MC2R: variants seen among roughly 807,000 people sequenced by gnomAD.
MC2R encodes melanocortin 2 receptor, also known as adrenocorticotropic hormone receptor.
MC2R carries 9 observed loss-of-function variants against 9.8 expected under a neutral mutation model. That is an observed-to-expected ratio of 0.92 (90% CI 0.55 to 1.60). The LOEUF (loss-of-function observed/expected upper bound fraction) is 1.60. MC2R is among the 40% of genes most tolerant of loss of function. MC2R has a pLI of 0.00. For missense variants in MC2R, 370 were observed against 389.0 expected (o/e 0.95, Z 0.41); for synonymous variants, 185 against 154.7 (o/e 1.20, Z -1.45).
At chr18:13,895,552 A>C (rs2045341067) in intron 1 of MC2R, among the ~76,000 whole-genome samples, 1 of 152,204 alleles carries the variant, frequency 6.6e-6, no homozygotes, top group Non-Finnish European at 1.5e-5. Flanking sequence ...GGGGCAGGCA[A>C]GGACCCTCTG....
In MC2R at chr18:13,889,767, G is replaced by A. The variant is rs532642347; in HGVS notation, c.-128-4121C>T. 2.0e-5 allele frequency among the ~76,000 whole-genome samples: 3 copies of A among 152,248 alleles called. No homozygotes were observed. In the South Asian group the frequency reaches 6.2e-4, roughly 32 times the overall value. Reference sequence around the variant, plus strand: ...AGGCTCTATTATGTGTTAAATTCTTGTTATGTGCCAGCTGGTCTTGTGTCC... The same window carrying A: ...AGGCTCTATTATGTGTTAAATTCTTATTATGTGCCAGCTGGTCTTGTGTCC... On this transcript the variant is annotated intron_variant, in intron 1 of 1. Coordinates refer to ENST00000327606, the MANE Select transcript of MC2R (RefSeq NM_000529.2).
chr18:13,899,284 T>C (rs77469041), intron 1 of MC2R, among the ~76,000 whole-genome samples: 25 of 151,994 alleles, frequency 1.6e-4, no homozygotes, highest in African/African-American at 6.0e-4. Flanking sequence ...TTAATGAGCA[T>C]GAATACAGCC....
chr18:13,893,984 A>T (rs994375032), intron 1 of MC2R, among the ~76,000 whole-genome samples: 2 of 152,200 alleles, frequency 1.3e-5, no homozygotes, highest in Non-Finnish European at 2.9e-5. Context: ...CTTCATGAGG[A>T]GGCACTGGCT....
chr18:13,914,081 G>A (rs771257630), intron 1 of MC2R, among the ~76,000 whole-genome samples: 2 of 148,654 alleles, frequency 1.3e-5, no homozygotes, highest in Non-Finnish European at 3.0e-5. Context: ...TTTTTAAGAT[G>A]TCTTAAGTTG....
chr18:13,890,121 C>T (rs1352647824), intron 1 of MC2R, among the ~76,000 whole-genome samples: 1 of 152,180 alleles, frequency 6.6e-6, no homozygotes, highest in South Asian at 2.1e-4. Context: ...TTAAATCTTT[C>T]TGTTCTCTAA....
At chr18:13,900,818 CT>C (rs1243646957) in intron 1 of MC2R, among the ~76,000 whole-genome samples, 7 of 152,158 alleles carry the variant, frequency 4.6e-5, no homozygotes, top group African/African-American at 1.7e-4. Flanking sequence ...CAACACACCA[CT>C]TTCAGCACTG....
chr18:13,899,960 A>C (rs1598465482), intron 1 of MC2R, among the ~76,000 whole-genome samples: 1 of 152,262 alleles, frequency 6.6e-6, no homozygotes, highest in South Asian at 2.1e-4. Context: ...AAAGCACAGA[A>C]TATCATAACA....
intron 1 of MC2R, among the ~76,000 whole-genome samples, chr18:13,905,831 G>A (rs749585600): frequency 3.6e-4 from 55 of 152,146 alleles, no homozygotes; most frequent in Non-Finnish European, 6.6e-4. Context: ...GCCGAGGTGG[G>A]TGGATCACGA....
At chr18:13,899,692 G>A (rs1199616227) in intron 1 of MC2R, among the ~76,000 whole-genome samples, 1 of 152,162 alleles carries the variant, frequency 6.6e-6, no homozygotes, top group Non-Finnish European at 1.5e-5. Context: ...GGCCAGGAGA[G>A]AGTGGCATGG....
intron 1 of MC2R, among the ~76,000 whole-genome samples, chr18:13,888,331 G>A (rs915321303): frequency 1.3e-4 from 20 of 152,206 alleles, no homozygotes; most frequent in African/African-American, 4.8e-4. Flanking sequence ...ATGCTGCCAA[G>A]CTGGTGGTGG....
intron 1 of MC2R, among the ~76,000 whole-genome samples, chr18:13,887,866 G>C (rs1487238136): frequency 6.6e-6 from 1 of 152,052 alleles, no homozygotes; most frequent in Non-Finnish European, 1.5e-5. Context: ...TGTAGAGCTT[G>C]GGACTGCGCA....
At chr18:13,893,782 G>T (rs1238885092) in intron 1 of MC2R, among the ~76,000 whole-genome samples, 1 of 152,198 alleles carries the variant, frequency 6.6e-6, no homozygotes, top group Admixed American at 6.5e-5. Context: ...ATAGTACAAT[G>T]CAGAGGGTGA....
At chr18:13,911,217 C>G (rs1020958483) in intron 1 of MC2R, among the ~76,000 whole-genome samples, 4 of 152,138 alleles carry the variant, frequency 2.6e-5, no homozygotes, top group African/African-American at 9.7e-5. Flanking sequence ...CAGCCGAGAG[C>G]AGGGGCCGGA....
chr18:13,914,964 G>T (rs1036049432), intron 1 of MC2R, among the ~76,000 whole-genome samples: 6 of 152,222 alleles, frequency 3.9e-5, no homozygotes, highest in Non-Finnish European at 7.3e-5. Flanking sequence ...GTTGAGAAAG[G>T]CACAGAAAGT....
intron 1 of MC2R, among the ~76,000 whole-genome samples, chr18:13,889,275 C>T (rs1178424119): frequency 6.6e-6 from 1 of 152,194 alleles, no homozygotes; most frequent in African/African-American, 2.4e-5. Context: ...CTTGAGCTTG[C>T]AGTAAACAAG....
chr18:13,905,101 A>G (rs992205068), intron 1 of MC2R, among the ~76,000 whole-genome samples: 2 of 152,196 alleles, frequency 1.3e-5, no homozygotes, highest in African/African-American at 4.8e-5. Context: ...TGAACAGGCA[A>G]CCTACAGAAT....
chr18:13,890,461 G>A (rs552010697), intron 1 of MC2R, among the ~76,000 whole-genome samples: 1 of 152,230 alleles, frequency 6.6e-6, no homozygotes, highest in African/African-American at 2.4e-5. Context: ...CCAGGCTTTA[G>A]AGAGAGCCAG....
chr18:13,898,003 A>G (rs564984036), intron 1 of MC2R, among the ~76,000 whole-genome samples: 30 of 152,020 alleles, frequency 2.0e-4, no homozygotes, highest in Non-Finnish European at 4.1e-4. Flanking sequence ...AGGGAAAAGT[A>G]CAGGGGACTT....
intron 1 of MC2R, among the ~76,000 whole-genome samples, chr18:13,897,628 GGAGAA>G (rs1363360569): frequency 1.3e-5 from 2 of 152,050 alleles, no homozygotes; most frequent in African/African-American, 4.8e-5. Flanking sequence ...CTTGAGGAGA[GGAGAA>G]GAGAAGGAAG....
Sources: allele counts gnomAD v4.1 joint callset (sites outside exome capture counted in the v4.1 genomes callset), GRCh38; gene constraint gnomAD v4.1.1; transcripts MANE v1.5; gene names NCBI Gene and HGNC (gene_info 2026-07-23, HGNC 2026-07-21).